Variants in SDCCAG8 observed in about 807,000 individuals in gnomAD.
SDCCAG8 encodes SHH signaling and ciliogenesis regulator SDCCAG8.
A neutral mutation model predicts 101.8 loss-of-function variants in SDCCAG8; 74 were observed. The observed-to-expected ratio is 0.73, with a 90% CI of 0.60 to 0.88. The LOEUF is 0.88. Among genes scored for constraint, SDCCAG8 ranks in the 40% least tolerant of loss-of-function variants. The pLI, the probability that SDCCAG8 is intolerant of heterozygous loss-of-function variation, is 0.00. For synonymous variants in SDCCAG8, 281 were observed against 292.9 expected (o/e 0.96, Z 0.41); for missense variants, 787 against 822.6 (o/e 0.96, Z 0.53).
chr1:243,490,382 G>A (rs1023314589), intron 17 of SDCCAG8, among the ~76,000 whole-genome samples: 4 of 152,198 alleles, frequency 2.6e-5, no homozygotes, highest in Non-Finnish European at 5.9e-5. Context: ...TCTAGGAGGC[G>A]AGGCCTCACC....
At chr1:243,415,139 C>T (rs1001030100) in intron 13 of SDCCAG8, among the ~76,000 whole-genome samples, 3 of 152,040 alleles carry the variant, frequency 2.0e-5, no homozygotes, top group African/African-American at 7.2e-5. Flanking sequence ...TATTCGTATT[C>T]ATATTTGTAT....
chr1:243,446,073 C>G (rs749343850), intron 16 of SDCCAG8, among the ~76,000 whole-genome samples: 1 of 151,974 alleles, frequency 6.6e-6, no homozygotes, highest in Non-Finnish European at 1.5e-5. Flanking sequence ...CTGAGTGTGC[C>G]GTGGACATCA....
chr1:243,303,377 C>T (rs2071737287), intron 6 of SDCCAG8, among the ~76,000 whole-genome samples: 1 of 152,114 alleles, frequency 6.6e-6, no homozygotes, highest in African/African-American at 2.4e-5. Context: ...AATTAAAGAG[C>T]ATAACAAAGT....
intron 13 of SDCCAG8, among the ~76,000 whole-genome samples, chr1:243,400,369 A>G (rs934419314): frequency 2.0e-5 from 3 of 152,230 alleles, no homozygotes; most frequent in Admixed American, 6.5e-5. Context: ...GCTGAAAACT[A>G]TCATATGGGG....
intron 13 of SDCCAG8, among the ~76,000 whole-genome samples, chr1:243,409,357 G>A (rs1000420636): frequency 1.3e-5 from 2 of 152,096 alleles, no homozygotes; most frequent in African/African-American, 4.8e-5. Flanking sequence ...CAGTATGAAT[G>A]TGTATGCATA....
chr1:243,405,882 C>T (rs927628921), intron 13 of SDCCAG8, among the ~76,000 whole-genome samples: 1 of 151,644 alleles, frequency 6.6e-6, no homozygotes, highest in African/African-American at 2.4e-5. Flanking sequence ...ACATGTTCCC[C>T]ATTTAATATT....
intron 13 of SDCCAG8, among the ~76,000 whole-genome samples, chr1:243,411,547 A>G (rs188191902): frequency 2.0e-5 from 3 of 152,318 alleles, no homozygotes; most frequent in East Asian, 1.9e-4. Context: ...ATAGAAGAAC[A>G]TTTATATCCA....
intron 12 of SDCCAG8, among the ~76,000 whole-genome samples, chr1:243,373,550 G>A (rs543722351): frequency 4.6e-5 from 7 of 152,216 alleles, no homozygotes; most frequent in East Asian, 1.9e-4. Context: ...CATGGTTGGG[G>A]TTTGGATCTG....
chr1:243,376,748 A>G (rs1473226856), intron 12 of SDCCAG8, among the ~76,000 whole-genome samples: 2 of 151,898 alleles, frequency 1.3e-5, no homozygotes, highest in South Asian at 2.1e-4. Flanking sequence ...TCCACTCCTC[A>G]TGTCTGGAAT....
At chr1:243,269,680 G>A (rs560721620) in intron 1 of SDCCAG8, among the ~76,000 whole-genome samples, 57 of 152,104 alleles carry the variant, frequency 3.7e-4, no homozygotes, top group African/African-American at 1.3e-3. Context: ...TGGGTGTGAC[G>A]CAGTCCCTTT....
chr1:243,284,824 G>T (rs994133939), intron 4 of SDCCAG8, among the ~76,000 whole-genome samples: 1 of 152,072 alleles, frequency 6.6e-6, no homozygotes, highest in African/African-American at 2.4e-5. Flanking sequence ...TGAAAACCTG[G>T]TAGTGTCCTG....
intron 12 of SDCCAG8, among the ~76,000 whole-genome samples, chr1:243,364,555 G>T (rs780753223): frequency 6.6e-6 from 1 of 152,136 alleles, no homozygotes; most frequent in Non-Finnish European, 1.5e-5. Flanking sequence ...CGGTGTGTTT[G>T]TATAGGCAAG....
chr1:243,296,613 G>A (rs1273428529), intron 6 of SDCCAG8, among the ~76,000 whole-genome samples: 3 of 121,594 alleles, frequency 2.5e-5, no homozygotes, highest in African/African-American at 9.3e-5. Flanking sequence ...CGCGATCTCC[G>A]CTCACTGCAA....
Position 243,489,001 on chromosome 1 carries a change from G to T in SDCCAG8, c.1986-13G>T. The T allele has an allele frequency of 1.2e-6, 2 of 1,613,286 alleles. No homozygotes were observed. Among genetic ancestry groups the T allele is most frequent in the South Asian group, 1.1e-5 (1 of 91,058 alleles). On this transcript the variant is annotated splice_polypyrimidine_tract_variant and intron_variant, in intron 16 of 17. Coordinates refer to ENST00000366541, the MANE Select transcript of SDCCAG8 (RefSeq NM_006642.5). The stretch of plus-strand genomic sequence containing the variant: ...GTTATCCCTCTTTAATTCTGCGGTG[G>T]ATTTTTCTCCAGGCTAAGGCAGCTG...
At chr1:243,492,734 A>T (rs966663772) in intron 17 of SDCCAG8, among the ~76,000 whole-genome samples, 2 of 149,908 alleles carry the variant, frequency 1.3e-5, no homozygotes, top group East Asian at 4.0e-4. Context: ...CAGCCTCCCA[A>T]GTAGCTGGGA....
intron 13 of SDCCAG8, among the ~76,000 whole-genome samples, chr1:243,407,213 A>G (rs754570935): frequency 4.6e-5 from 7 of 152,196 alleles, no homozygotes; most frequent in Admixed American, 1.3e-4. Context: ...CAAACCCATC[A>G]TGTGAGGCAG....
intron 4 of SDCCAG8, among the ~76,000 whole-genome samples, chr1:243,283,343 A>G (rs1013639807): frequency 2.7e-5 from 4 of 150,854 alleles, no homozygotes; most frequent in Non-Finnish European, 5.9e-5. Context: ...TTTTTCAGTC[A>G]TTATTGACTG....
chr1:243,363,423 G>C (rs986819946), intron 12 of SDCCAG8, among the ~76,000 whole-genome samples: 1 of 152,202 alleles, frequency 6.6e-6, no homozygotes, highest in African/African-American at 2.4e-5. Flanking sequence ...TCAAAGTGCC[G>C]TTGTAAATAT....
intron 1 of SDCCAG8, among the ~76,000 whole-genome samples, chr1:243,256,651 TA>T (rs1558188737): frequency 6.6e-6 from 1 of 152,226 alleles, no homozygotes; most frequent in African/African-American, 2.4e-5. Context: ...GGGGAAACAC[TA>T]ATAATTATTT....
Sources: gnomAD v4.1 joint callset for allele counts (sites outside exome capture counted in the v4.1 genomes callset) on GRCh38, gnomAD v4.1.1 for gene constraint, MANE v1.5 for transcripts, NCBI Gene and HGNC (gene_info 2026-07-23, HGNC 2026-07-21) for gene names.